PLD1: variants seen among roughly 807,000 people sequenced by gnomAD.
PLD1 encodes the protein phospholipase D1, also known as choline phosphatase 1.
In PLD1, 112 loss-of-function variants were observed where a neutral mutation model predicts 137.1. The ratio of observed to expected loss-of-function variants is 0.82; its 90% CI spans 0.70 to 0.96. PLD1 has a LOEUF of 0.96. Among genes scored for constraint, PLD1 ranks in the 40% least tolerant of loss-of-function variants. The probability of loss-of-function intolerance (pLI) is 0.00; values close to 1 mark genes in which losing one functional copy is unlikely to be tolerated. For synonymous variants in PLD1, 431 were observed against 454.7 expected (o/e 0.95, Z 0.66); for missense variants, 1,321 against 1,342.0 (o/e 0.98, Z 0.24).
At chr3:171,683,989 TTC>T (rs1369560172) in intron 16 of PLD1, among the ~76,000 whole-genome samples, 1 of 152,162 alleles carries the variant, frequency 6.6e-6, no homozygotes, top group African/African-American at 2.4e-5. Flanking sequence ...GTTTAGGTTG[TTC>T]TCTCTCTCTA....
At chr3:171,702,801 T>C (rs1418969110) in intron 11 of PLD1, among the ~76,000 whole-genome samples, 1 of 152,136 alleles carries the variant, frequency 6.6e-6, no homozygotes, top group Non-Finnish European at 1.5e-5. Flanking sequence ...TATCAAATAT[T>C]TAAGAAAGAA....
intron 1 of PLD1, among the ~76,000 whole-genome samples, chr3:171,808,349 A>G (rs1723955263): frequency 6.6e-6 from 1 of 152,148 alleles, no homozygotes; most frequent in African/African-American, 2.4e-5. Context: ...ATCCTGGCTA[A>G]CACGGTGAAA....
At chr3:171,778,598 A>T (rs185586209) in intron 1 of PLD1, among the ~76,000 whole-genome samples, 3 of 152,310 alleles carry the variant, frequency 2.0e-5, no homozygotes, top group African/African-American at 7.2e-5. Flanking sequence ...CTCTGTAATC[A>T]TCTGGGAAAA....
Position 171,659,299 on chromosome 3 carries a change from G to A in PLD1, c.2343C>T (p.Asn781=), listed in dbSNP as rs768955377. Residue 781 remains asparagine, a splice_region_variant and synonymous_variant, in exon 21 of 27, where the codon AAC becomes AAT. Coordinates refer to ENST00000351298, the MANE Select transcript of PLD1 (RefSeq NM_002662.5). ...ENSRHYIYIE[N]QFFISCADDK... ...CATCAGCACAGCTTATGAAAAACTG[G>A]TTCTATGAGAAATAAACAAGACAAT... 1.9e-6 allele frequency: 3 copies of A among 1,600,418 alleles called. No individual in the cohort carries two copies. The highest frequency in any genetic ancestry group is 2.6e-6 in the Non-Finnish European group (3 of 1,167,526).
chr3:171,713,115 C>T (rs999075405), intron 9 of PLD1, among the ~76,000 whole-genome samples: 1 of 152,196 alleles, frequency 6.6e-6, no homozygotes, highest in African/African-American at 2.4e-5. Flanking sequence ...ATCACATACA[C>T]ATGTACTCAC....
chr3:171,775,985 C>T (rs1034944843), intron 1 of PLD1, among the ~76,000 whole-genome samples: 11 of 152,304 alleles, frequency 7.2e-5, no homozygotes, highest in East Asian at 1.9e-4. Flanking sequence ...AGGATGCAAA[C>T]GCAGGACTTC....
intron 8 of PLD1, among the ~76,000 whole-genome samples, chr3:171,722,835 G>A (rs1249286838): frequency 6.6e-6 from 1 of 151,886 alleles, no homozygotes; most frequent in Non-Finnish European, 1.5e-5. Context: ...GACCATGAAT[G>A]GTCTTCATTT....
intron 1 of PLD1, among the ~76,000 whole-genome samples, chr3:171,800,821 G>A (rs1030162230): frequency 2.6e-5 from 4 of 152,142 alleles, no homozygotes; most frequent in East Asian, 1.9e-4. Flanking sequence ...TCACTAACCC[G>A]TCACTTAGTG....
intron 1 of PLD1, among the ~76,000 whole-genome samples, chr3:171,754,740 T>C (rs553806735): frequency 5.9e-5 from 9 of 152,322 alleles, no homozygotes; most frequent in Non-Finnish European, 1.0e-4. Flanking sequence ...GTGTGATGGA[T>C]GAACATAAAT....
intron 1 of PLD1, among the ~76,000 whole-genome samples, chr3:171,749,001 A>G (rs1199050344): frequency 6.6e-6 from 1 of 151,966 alleles, no homozygotes; most frequent in Non-Finnish European, 1.5e-5. Flanking sequence ...GATGTTGTCC[A>G]CTATAGAAAA....
intron 23 of PLD1, among the ~76,000 whole-genome samples, chr3:171,633,898 A>T (rs1203790272): frequency 1.3e-5 from 2 of 152,216 alleles, no homozygotes; most frequent in African/African-American, 4.8e-5. Context: ...ATATCAGATA[A>T]TTATATACTA....
At chr3:171,764,888 A>AAAGG (rs1377040844) in intron 1 of PLD1, among the ~76,000 whole-genome samples, 1 of 21,202 alleles carries the variant, frequency 4.7e-5, no homozygotes, top group East Asian at 6.7e-4. Context: ...AGAAAGAAAG[A>AAAGG]AAGAAAGGAA....
chr3:171,641,245 T>G (rs1033696263), intron 23 of PLD1, among the ~76,000 whole-genome samples: 4 of 152,208 alleles, frequency 2.6e-5, no homozygotes, highest in African/African-American at 9.6e-5. Flanking sequence ...TTACCAAGAT[T>G]CAGCTGTTTT....
chr3:171,697,308 A>G (rs111825889), intron 12 of PLD1, among the ~76,000 whole-genome samples: 73,073 of 145,258 alleles, frequency 0.5, 19,252 homozygotes, highest in African/African-American at 0.67. Context: ...GCAGTGGCAC[A>G]ATCTCGACTC....
rs1468952750 is a variant in PLD1, at chr3:171,612,389, G to T, written c.2772C>A (p.Asp924Glu). ...INDRSMLGKR[D>E]SEMAVIVQDT... ...CTTGCACAATGACAGCCATTTCACT[G>T]TCACGCTTTCCCAGCATGCTGCGGT... Residue 924 changes from aspartate to glutamate, a missense_variant, in exon 25 of 27, where the codon GAC becomes GAA. By Grantham distance (45) the Asp-to-Glu change is conservative (BLOSUM62 2). Coordinates refer to ENST00000351298, the MANE Select transcript of PLD1 (RefSeq NM_002662.5). This position sits in a 1 kb window ranked among gnomAD's most constrained non-coding sequence, Gnocchi z 4.1. The T allele has an allele frequency of 1.2e-6, 2 of 1,613,940 alleles. No homozygotes were observed. Among genetic ancestry groups the T allele is most frequent in the Non-Finnish European group, 1.7e-6 (2 of 1,179,960 alleles).
chr3:171,772,237 C>T (rs1261765780), intron 1 of PLD1, among the ~76,000 whole-genome samples: 2 of 152,128 alleles, frequency 1.3e-5, no homozygotes, highest in African/African-American at 4.8e-5. Flanking sequence ...GGCTTGTTGC[C>T]ATGATTTGTA....
At chr3:171,652,517 T>C (rs1578194229) in intron 21 of PLD1, among the ~76,000 whole-genome samples, 2 of 152,056 alleles carry the variant, frequency 1.3e-5, no homozygotes, top group Admixed American at 1.3e-4. Flanking sequence ...TTATAGGATA[T>C]GGTAATTATG....
At chr3:171,785,002 G>GT (rs1477916855) in intron 1 of PLD1, among the ~76,000 whole-genome samples, 1 of 152,156 alleles carries the variant, frequency 6.6e-6, no homozygotes. Context: ...ACAGTGTTAG[G>GT]TGCACCTATT....
At chr3:171,710,280 C>A (rs1578329855) in intron 9 of PLD1, among the ~76,000 whole-genome samples, 1 of 152,176 alleles carries the variant, frequency 6.6e-6, no homozygotes, top group South Asian at 2.1e-4. Context: ...CCAGGATGGT[C>A]TCGATCTCCT....
Sources: allele counts gnomAD v4.1 joint callset (sites outside exome capture counted in the v4.1 genomes callset), GRCh38; gene constraint gnomAD v4.1.1; non-coding constraint Gnocchi (gnomAD v3.1); transcripts MANE v1.5; gene names NCBI Gene and HGNC (gene_info 2026-07-23, HGNC 2026-07-21).